The following ADAM23 variants were observed in gnomAD, a reference collection of about 807,000 sequenced individuals.
ADAM23 encodes the protein disintegrin and metalloproteinase domain-containing protein 23.
Under a neutral mutation model 120.1 loss-of-function variants are expected in ADAM23, and 33 were observed. The observed-to-expected ratio is 0.27, with a 90% CI of 0.21 to 0.37. ADAM23 has a LOEUF of 0.37. Ranked by LOEUF, ADAM23 falls within the 10% of genes least tolerant of loss-of-function variation. The pLI, the probability that ADAM23 is intolerant of heterozygous loss-of-function variation, is 1.00. For missense variants in ADAM23, 862 were observed against 1,058.2 expected, an observed-to-expected ratio of 0.81 and a Z score of 2.57; for synonymous variants, 367 against 375.2, an observed-to-expected ratio of 0.98 and a Z score of 0.25.
chr2:206,498,477 T>A (rs1486172023), intron 3 of ADAM23, among the ~76,000 whole-genome samples: 4 of 152,180 alleles, frequency 2.6e-5, no homozygotes, highest in African/African-American at 9.7e-5. Context: ...GATCCCTTCC[T>A]TACACCTTAT....
chr2:206,494,138 A>G (rs1696188036), intron 3 of ADAM23, among the ~76,000 whole-genome samples: 1 of 152,158 alleles, frequency 6.6e-6, no homozygotes, highest in Admixed American at 6.6e-5. Flanking sequence ...ACTATGTAAG[A>G]TCTCCTTTTG....
At chr2:206,506,688 C>G (rs1291652787) in intron 3 of ADAM23, among the ~76,000 whole-genome samples, 1 of 152,126 alleles carries the variant, frequency 6.6e-6, no homozygotes, top group East Asian at 1.9e-4. Flanking sequence ...CAGATCTAGT[C>G]TGTTTATTTT....
intron 20 of ADAM23, 127 bp from the exon 21 acceptor site, chr2:206,589,282 C>T (rs1698383047): frequency 1.4e-6 from 1 of 701,214 alleles, no homozygotes; most frequent in Admixed American, 3.0e-5. Flanking sequence ...CTTGCAAATG[C>T]TACAAATCAG....
At position 206,548,309 on chromosome 2, in the gene ADAM23, T is replaced by C; in HGVS notation, c.822T>C (p.Phe274=). 2.5e-6 allele frequency: 4 copies of C among 1,612,214 alleles called. No homozygotes were observed. Among genetic ancestry groups the C allele is most frequent in the Non-Finnish European group, 3.4e-6 (4 of 1,179,956 alleles). ...TGGAAAGAGGTGACCAGTGGCCCTT[T>C]CTCTCTGAATTACAGTGGTTGAAAA... The part of the protein sequence containing the change: ...LTMERGDQWP[F]LSELQWLKRR... Residue 274 remains phenylalanine (F), a synonymous_variant, in exon 8 of 26, where the codon TTT becomes TTC. Transcript: ENST00000264377.
intron 2 of ADAM23, among the ~76,000 whole-genome samples, chr2:206,459,024 A>G (rs780208012): frequency 5.3e-5 from 8 of 152,226 alleles, no homozygotes; most frequent in Non-Finnish European, 1.0e-4. Context: ...TTTGCGTCTT[A>G]ACAGTCTTAA....
rs541954415 is a variant in ADAM23 at position 206,549,661 on chromosome 2, A to G, written c.868-434A>G. 1.8e-4 allele frequency among the ~76,000 whole-genome samples: 27 copies of G among 152,164 alleles called. 1 individual carries two copies. In the East Asian group the frequency reaches 4.8e-3, roughly 27 times the overall value. ...ATCTGTATCAGATATATCTGGAAGTAATTATAACTTATGCTATTCTTATTA... is the reference window on the plus strand; with the variant it reads ...ATCTGTATCAGATATATCTGGAAGTGATTATAACTTATGCTATTCTTATTA... On this transcript the variant is annotated intron_variant, in intron 8 of 25. Transcript: ENST00000264377.
chr2:206,444,226 C>A, intron 1 of ADAM23, 146 bp downstream of exon 1: 1 of 574,892 alleles, frequency 1.7e-6, no homozygotes, highest in Non-Finnish European at 2.6e-6. Context: ...CCTTCTCGTT[C>A]CCAAACCCCC....
chr2:206,602,299 T>C lies in ADAM23; in HGVS notation c.2359+6137T>C, dbSNP rs552030553. 9.6e-4 allele frequency among the ~76,000 whole-genome samples: 146 copies of C among 152,312 alleles called. 1 individual carries two copies. Among genetic ancestry groups the C allele is most frequent in the African/African-American group, 3.4e-3 (141 of 41,578 alleles). On this transcript the variant is annotated intron_variant, in intron 24 of 25. Transcript: ENST00000264377. Reference sequence around the variant, plus strand: ...TGACAGCATAAACTGAAATATATTCTTACATGAAATCATTTATTTTGCATC... The same window carrying C: ...TGACAGCATAAACTGAAATATATTCCTACATGAAATCATTTATTTTGCATC...
intron 4 of ADAM23, among the ~76,000 whole-genome samples, chr2:206,538,681 G>C (rs1270767212): frequency 6.6e-6 from 1 of 151,974 alleles, no homozygotes; most frequent in Admixed American, 6.6e-5. Context: ...ACAAAGTTGG[G>C]GTGCTTTTAA....
chr2:206,593,424 T>C (rs951228032), intron 22 of ADAM23, among the ~76,000 whole-genome samples: 3 of 152,206 alleles, frequency 2.0e-5, no homozygotes, highest in Non-Finnish European at 2.9e-5. Flanking sequence ...CTGCAAACTT[T>C]TACTTTTAGT....
At chr2:206,489,250 G>C (rs920763611) in intron 3 of ADAM23, among the ~76,000 whole-genome samples, 2 of 152,154 alleles carry the variant, frequency 1.3e-5, no homozygotes, top group Non-Finnish European at 2.9e-5. Flanking sequence ...CCTGAATCCA[G>C]ATTGGCAGGC....
intron 2 of ADAM23, among the ~76,000 whole-genome samples, chr2:206,466,525 A>T (rs956043153): frequency 2.0e-5 from 3 of 152,356 alleles, no homozygotes; most frequent in East Asian, 1.9e-4. Flanking sequence ...CCACAGAATT[A>T]TATACCCTCC....
intron 15 of ADAM23, among the ~76,000 whole-genome samples, chr2:206,567,973 T>A (rs1168662857): frequency 6.6e-6 from 1 of 152,184 alleles, no homozygotes; most frequent in Non-Finnish European, 1.5e-5. Context: ...CTCACTATCA[T>A]GAGGACTGTA....
chr2:206,486,330 C>T (rs1696012549), intron 3 of ADAM23, among the ~76,000 whole-genome samples: 1 of 148,908 alleles, frequency 6.7e-6, no homozygotes. Flanking sequence ...GGTAACGTTT[C>T]TTGTCTTTCC....
chr2:206,548,053 C>T (rs577312890), intron 7 of ADAM23, among the ~76,000 whole-genome samples: 22 of 152,282 alleles, frequency 1.4e-4, no homozygotes, highest in African/African-American at 5.3e-4. Flanking sequence ...ATCAAATATG[C>T]ATCTTCTAAT....
intron 13 of ADAM23, among the ~76,000 whole-genome samples, chr2:206,564,216 C>T (rs13413811): frequency 0.18 from 27,577 of 151,228 alleles, 2,934 homozygotes; most frequent in African/African-American, 0.3. Flanking sequence ...CTCTCTCTAT[C>T]GATATATCGA....
intron 2 of ADAM23, among the ~76,000 whole-genome samples, chr2:206,455,416 G>A (rs935548865): frequency 6.6e-6 from 1 of 152,176 alleles, no homozygotes; most frequent in African/African-American, 2.4e-5. Flanking sequence ...CTGGACCTAT[G>A]ATGGGAGGGG....
intron 2 of ADAM23, among the ~76,000 whole-genome samples, chr2:206,460,105 C>CT (rs34090725): frequency 0.02 from 2,897 of 146,418 alleles, 96 homozygotes; most frequent in East Asian, 0.16. Flanking sequence ...CTCAGAATGA[C>CT]TTTTTTTTTT....
At chr2:206,534,041 C>T (rs531151322) in intron 4 of ADAM23, among the ~76,000 whole-genome samples, 1 of 152,102 alleles carries the variant, frequency 6.6e-6, no homozygotes, top group Non-Finnish European at 1.5e-5. Flanking sequence ...TGGGATATAA[C>T]TTATGTATCA....
Sources: allele counts gnomAD v4.1 joint callset (sites outside exome capture counted in the v4.1 genomes callset), GRCh38; gene constraint gnomAD v4.1.1; transcripts MANE v1.5; gene names NCBI Gene and HGNC (gene_info 2026-07-23, HGNC 2026-07-21).